The following COL11A1 variants were observed in gnomAD, a reference collection of about 807,000 sequenced individuals.
The protein encoded by COL11A1 is collagen alpha-1(XI) chain.
Under a neutral mutation model 265.2 loss-of-function variants are expected in COL11A1, and 74 were observed. That is an observed-to-expected ratio of 0.28 (90% CI 0.23 to 0.34). The LOEUF is 0.34. Among genes scored for constraint, COL11A1 ranks in the 10% least tolerant of loss-of-function variants. The pLI, the probability that COL11A1 is intolerant of heterozygous loss-of-function variation, is 1.00. For synonymous variants in COL11A1, 816 were observed against 727.6 expected (o/e 1.12, Z -1.96); for missense variants, 2,165 against 2,263.6 (o/e 0.96, Z 0.88).
intron 59 of COL11A1, 55 bp downstream of exon 59, chr1:102,889,400 T>TGTGTGTGC (rs1651447845): frequency 9.7e-7 from 1 of 1,035,938 alleles, no homozygotes. Flanking sequence ...TGTGTGTGTG[T>TGTGTGTGC]GTGTGTGTGT....
intron 4 of COL11A1, among the ~76,000 whole-genome samples, chr1:103,074,013 T>A (rs1356064884): frequency 6.6e-6 from 1 of 152,098 alleles, no homozygotes. Flanking sequence ...TCAGGTCATT[T>A]GTTCTTTTAA....
intron 4 of COL11A1, among the ~76,000 whole-genome samples, chr1:103,032,826 T>G (rs375328186): frequency 6.6e-6 from 1 of 152,114 alleles, no homozygotes; most frequent in South Asian, 2.1e-4. Flanking sequence ...TCTTTAAAAA[T>G]AACAGTTATT....
intron 14 of COL11A1, 117 bp downstream of exon 14, chr1:103,012,296 A>T (rs960296928): frequency 2.4e-5 from 18 of 756,532 alleles, no homozygotes; most frequent in Non-Finnish European, 3.7e-5. Flanking sequence ...AACAGCAAGC[A>T]TGAAAACATA....
chr1:103,094,317 T>G (rs1011517449), intron 1 of COL11A1, among the ~76,000 whole-genome samples: 1 of 152,256 alleles, frequency 6.6e-6, no homozygotes, highest in Non-Finnish European at 1.5e-5. Context: ...CAAATTGACA[T>G]TAGACAATCT....
chr1:102,970,227 CA>C lies in COL11A1; in HGVS notation c.2853del (p.Glu953ArgfsTer29). 6.2e-7 allele frequency: 1 copy of C among 1,612,188 alleles called. No homozygotes were observed. Among genetic ancestry groups the C allele is most frequent in the Non-Finnish European group, 8.5e-7 (1 of 1,178,886 alleles). On this transcript the variant is annotated frameshift_variant, in exon 37 of 67. Coordinates refer to ENST00000370096, the MANE Select transcript of COL11A1 (RefSeq NM_001854.4). LOFTEE classifies it high-confidence loss of function. ...KDGLPGHPGQ[R>X]GETGFQGKTG... is the part of the protein sequence containing the mutation. ...GTAACAAGGTCACTTACAGTCTCCC[CA>C]CGTTGCCCAGGGTGTCCTGGCAGCC...
intron 29 of COL11A1, among the ~76,000 whole-genome samples, chr1:102,989,256 G>A (rs1663879377): frequency 6.6e-6 from 1 of 151,694 alleles, no homozygotes; most frequent in Non-Finnish European, 1.5e-5. Flanking sequence ...GTGTGCATGT[G>A]TGTGTGTGTG....
chr1:102,948,279 T>C (rs917645110), intron 41 of COL11A1, among the ~76,000 whole-genome samples: 1 of 152,100 alleles, frequency 6.6e-6, no homozygotes, highest in African/African-American at 2.4e-5. Flanking sequence ...TTTATAGAGC[T>C]GTTGTAGCAT....
At chr1:103,027,620 C>G (rs1667650476) in intron 5 of COL11A1, among the ~76,000 whole-genome samples, 1 of 151,490 alleles carries the variant, frequency 6.6e-6, no homozygotes, top group South Asian at 2.1e-4. Flanking sequence ...GCATTTTAAC[C>G]ATTCCCTTTT....
intron 3 of COL11A1, among the ~76,000 whole-genome samples, chr1:103,075,741 A>G (rs550114299): frequency 1.3e-5 from 2 of 152,280 alleles, no homozygotes; most frequent in South Asian, 4.1e-4. Context: ...GTCTAGGACT[A>G]GATCCATAAA....
intron 54 of COL11A1, 40 bp from the exon 55 acceptor site, chr1:102,899,034 TA>T (rs748452051): frequency 1.6e-6 from 2 of 1,217,680 alleles, no homozygotes; most frequent in Non-Finnish European, 2.3e-6. Context: ...GTATCACATA[TA>T]AAAGTAATGT....
chr1:103,042,788 C>T (rs1271398693), intron 4 of COL11A1, among the ~76,000 whole-genome samples: 1 of 151,736 alleles, frequency 6.6e-6, no homozygotes, highest in East Asian at 1.9e-4. Context: ...TCCCAGCCTC[C>T]CTGCTCAAAC....
At chr1:103,000,412 T>G (rs1264729612) in intron 24 of COL11A1, among the ~76,000 whole-genome samples, 2 of 151,878 alleles carry the variant, frequency 1.3e-5, no homozygotes, top group African/African-American at 4.8e-5. Flanking sequence ...AACTCAATAT[T>G]AAGATAAATA....
At chr1:103,038,118 C>T (rs1265813075) in intron 4 of COL11A1, among the ~76,000 whole-genome samples, 6 of 152,080 alleles carry the variant, frequency 3.9e-5, no homozygotes, top group African/African-American at 1.4e-4. Flanking sequence ...TAGCATTAAA[C>T]ATAAAAAGCA....
chr1:102,956,265 A>T (rs1328379285), intron 41 of COL11A1, among the ~76,000 whole-genome samples: 4 of 152,104 alleles, frequency 2.6e-5, no homozygotes, highest in African/African-American at 7.2e-5. Context: ...GGCAAAAAAC[A>T]TTGTTCTCAC....
At chr1:103,059,032 C>A (rs972865987) in intron 4 of COL11A1, among the ~76,000 whole-genome samples, 5 of 147,658 alleles carry the variant, frequency 3.4e-5, no homozygotes, top group African/African-American at 9.9e-5. Context: ...GCACATGCTG[C>A]TGGAAAAAAA....
At chr1:102,937,326 T>C (rs1446438652) in intron 44 of COL11A1, among the ~76,000 whole-genome samples, 1 of 152,110 alleles carries the variant, frequency 6.6e-6, no homozygotes, top group African/African-American at 2.4e-5. Context: ...ATAAAACTTT[T>C]AAAAATGTGG....
intron 28 of COL11A1, among the ~76,000 whole-genome samples, chr1:102,994,987 C>T (rs1215701591): frequency 6.6e-6 from 1 of 151,964 alleles, no homozygotes; most frequent in East Asian, 1.9e-4. Context: ...TATCAAACAA[C>T]CAGATCTTGT....
In COL11A1 at chr1:103,078,696, G is replaced by C; in HGVS notation, c.450C>G (p.Asp150Glu). 1.2e-6 allele frequency: 2 copies of C among 1,613,474 alleles called. No homozygotes were observed. Among genetic ancestry groups the C allele is most frequent in the South Asian group, 1.1e-5 (1 of 91,076 alleles). Residue 150 changes from aspartate (D) to glutamate (E), a missense_variant, in exon 3 of 67, where the codon GAC (aspartate) becomes GAG (glutamate). Physicochemically the swap from Asp to Glu is conservative, Grantham distance 45. Coordinates refer to ENST00000370096, the MANE Select transcript of COL11A1 (RefSeq NM_001854.4). ...TGTTAACAGTTCTGAAGAGGGGATA[G>C]TCTTCTGGGGCAGGTTTTCCAGTGT... is the stretch of plus-strand genomic sequence containing the variant. ...EDHTGKPAPE[D>E]YPLFRTVNIA...
chr1:103,000,150 T>C (rs955145841), intron 24 of COL11A1, among the ~76,000 whole-genome samples: 1 of 151,880 alleles, frequency 6.6e-6, no homozygotes, highest in Non-Finnish European at 1.5e-5. Context: ...ACATACATGA[T>C]AAAATCATGG....
Sources: gnomAD v4.1 joint callset for allele counts (sites outside exome capture counted in the v4.1 genomes callset) on GRCh38, gnomAD v4.1.1 for gene constraint, MANE v1.5 for transcripts, NCBI Gene and HGNC (gene_info 2026-07-23, HGNC 2026-07-21) for gene names.